ADK: variants seen among roughly 807,000 people sequenced by gnomAD.
ADK encodes N6,N6-dimethyladenosine kinase.
Under a neutral mutation model 44.7 loss-of-function variants are expected in ADK, and 24 were observed. The ratio of observed to expected loss-of-function variants is 0.54; its 90% CI spans 0.39 to 0.76. The LOEUF (loss-of-function observed/expected upper bound fraction) is 0.76. ADK is among the 30% of genes least tolerant of loss of function. The pLI, the probability that ADK is intolerant of heterozygous loss-of-function variation, is 0.00. For synonymous variants in ADK, 128 were observed against 142.6 expected, an observed-to-expected ratio of 0.90 and a Z score of 0.73; for missense variants, 321 against 425.1, an observed-to-expected ratio of 0.76 and a Z score of 2.15.
chr10:74,438,208 G>T (rs1422596717), intron 6 of ADK, among the ~76,000 whole-genome samples: 1 of 151,078 alleles, frequency 6.6e-6, no homozygotes, highest in Non-Finnish European at 1.5e-5. Context: ...CTAATAAGAA[G>T]GTAAGGTCCT....
rs545625872 is a variant in ADK at position 74,385,966 on chromosome 10, G to A, written c.274-8175G>A. Among the ~76,000 whole-genome samples, 36 of 152,214 alleles carry A rather than the reference G, an allele frequency of 2.4e-4. 1 individual carries two copies. The South Asian group carries it at 6.0e-3, about 25-fold the overall frequency. ...ATTAATAGGATGCTTGCTGGCAGGGGCAATGGAGCAGTTTTTTAAGGAAAG... is the reference window on the plus strand; with the variant it reads ...ATTAATAGGATGCTTGCTGGCAGGGACAATGGAGCAGTTTTTTAAGGAAAG... On this transcript the variant is annotated intron_variant, in intron 4 of 10. Coordinates refer to ENST00000539909, the MANE Select transcript of ADK (RefSeq NM_006721.4).
intron 7 of ADK, among the ~76,000 whole-genome samples, chr10:74,572,667 C>T (rs1318067608): frequency 1.3e-5 from 2 of 152,192 alleles, no homozygotes; most frequent in Non-Finnish European, 2.9e-5. Context: ...GGTCTTTTCA[C>T]TTAGTCCCAT....
At chr10:74,482,921 C>T (rs780583276) in intron 6 of ADK, among the ~76,000 whole-genome samples, 37 of 152,228 alleles carry the variant, frequency 2.4e-4, no homozygotes, top group Middle Eastern at 3.4e-3. Context: ...CAAGGGCTGG[C>T]GTTGAATGCC....
At chr10:74,344,306 A>G (rs1384190107) in intron 4 of ADK, among the ~76,000 whole-genome samples, 3 of 152,202 alleles carry the variant, frequency 2.0e-5, no homozygotes, top group Admixed American at 6.5e-5. Context: ...TCAGGTGTCT[A>G]TGCTGCTGAA....
chr10:74,535,603 A>G (rs907117967), intron 7 of ADK, among the ~76,000 whole-genome samples: 4 of 139,974 alleles, frequency 2.9e-5, no homozygotes, highest in Non-Finnish European at 4.6e-5. Context: ...TTTTTTTGAG[A>G]CAGAGTCTTG....
chr10:74,253,703 T>C (rs929393136), intron 3 of ADK, among the ~76,000 whole-genome samples: 1 of 151,950 alleles, frequency 6.6e-6, no homozygotes, highest in African/African-American at 2.4e-5. Context: ...TAAGAATGTA[T>C]ATGACATTAT....
At chr10:74,688,734 G>T (rs1034940400) in intron 10 of ADK, among the ~76,000 whole-genome samples, 7 of 151,974 alleles carry the variant, frequency 4.6e-5, no homozygotes, top group African/African-American at 1.2e-4. Flanking sequence ...GAGCAATATC[G>T]TGAGACCCCC....
At chr10:74,560,492 T>C (rs1850419017) in intron 7 of ADK, among the ~76,000 whole-genome samples, 1 of 152,240 alleles carries the variant, frequency 6.6e-6, no homozygotes, top group African/African-American at 2.4e-5. Context: ...TGCTTTAGCG[T>C]AGCAGCAGAC....
At chr10:74,688,024 A>T (rs555552006) in intron 10 of ADK, among the ~76,000 whole-genome samples, 41 of 152,316 alleles carry the variant, frequency 2.7e-4, no homozygotes, top group African/African-American at 9.1e-4. Context: ...GTGGTGATTT[A>T]AAAAAATCTA....
intron 3 of ADK, among the ~76,000 whole-genome samples, chr10:74,263,018 A>C (rs1022154529): frequency 6.6e-5 from 10 of 152,220 alleles, no homozygotes; most frequent in African/African-American, 2.4e-4. Flanking sequence ...TCAGCAGAGT[A>C]GATTAAATGT....
chr10:74,313,173 C>T (rs1310169789), intron 3 of ADK, among the ~76,000 whole-genome samples: 1 of 151,912 alleles, frequency 6.6e-6, no homozygotes, highest in African/African-American at 2.4e-5. Context: ...TGATTTTTAA[C>T]ATTTGAGATA....
chr10:74,256,253 G>T (rs544959034), intron 3 of ADK, among the ~76,000 whole-genome samples: 1 of 152,190 alleles, frequency 6.6e-6, no homozygotes, highest in East Asian at 1.9e-4. Context: ...TTCATGGAGC[G>T]CCATGCTGAG....
At chr10:74,333,480 A>G (rs980348397) in intron 4 of ADK, among the ~76,000 whole-genome samples, 1 of 152,172 alleles carries the variant, frequency 6.6e-6, no homozygotes, top group South Asian at 2.1e-4. Context: ...ACCTTACTAA[A>G]ATGAGAGTTT....
chr10:74,485,787 A>T (rs1177241407), intron 6 of ADK, among the ~76,000 whole-genome samples: 1 of 152,174 alleles, frequency 6.6e-6, no homozygotes, highest in Non-Finnish European at 1.5e-5. Flanking sequence ...TAAAATGTAA[A>T]TGGAGGTGTG....
intron 6 of ADK, among the ~76,000 whole-genome samples, chr10:74,443,584 C>A (rs1845497216): frequency 6.6e-6 from 1 of 152,134 alleles, no homozygotes; most frequent in African/African-American, 2.4e-5. Context: ...TACAGGATTT[C>A]TTTGGGAGTT....
At chr10:74,232,074 T>C (rs1219947240) in intron 3 of ADK, among the ~76,000 whole-genome samples, 1 of 152,154 alleles carries the variant, frequency 6.6e-6, no homozygotes, top group Non-Finnish European at 1.5e-5. Flanking sequence ...TACAAATGAT[T>C]CTCAACCAAT....
At chr10:74,483,755 C>T (rs913164045) in intron 6 of ADK, among the ~76,000 whole-genome samples, 1 of 152,198 alleles carries the variant, frequency 6.6e-6, no homozygotes, top group African/African-American at 2.4e-5. Flanking sequence ...TTCCACATTT[C>T]CCTAAAGAAG....
chr10:74,246,939 TTAAAA>T (rs977446566), intron 3 of ADK, among the ~76,000 whole-genome samples: 3 of 152,014 alleles, frequency 2.0e-5, no homozygotes, highest in African/African-American at 7.2e-5. Context: ...GAATTTATTC[TTAAAA>T]TAATAAATAT....
chr10:74,240,441 G>A (rs1178070196), intron 3 of ADK, among the ~76,000 whole-genome samples: 2 of 150,306 alleles, frequency 1.3e-5, no homozygotes, highest in Non-Finnish European at 3.0e-5. Context: ...CCCAGATGCT[G>A]AAATTTTCCC....
Sources: gnomAD v4.1 joint callset for allele counts (sites outside exome capture counted in the v4.1 genomes callset) on GRCh38, gnomAD v4.1.1 for gene constraint, MANE v1.5 for transcripts, NCBI Gene and HGNC (gene_info 2026-07-23, HGNC 2026-07-21) for gene names.